The following CHD5 variants were observed in gnomAD, a reference collection of about 807,000 sequenced individuals.
The protein encoded by CHD5 is chromodomain helicase DNA binding protein 5, also known as ATP-dependent chromatin remodeler CHD5.
In CHD5, 69 loss-of-function variants were observed where a neutral mutation model predicts 230.3. The observed-to-expected ratio is 0.30, with a 90% CI of 0.25 to 0.37. The LOEUF (loss-of-function observed/expected upper bound fraction) is 0.37, where lower values mean the gene tolerates loss of function less well. Among genes scored for constraint, CHD5 ranks in the 10% least tolerant of loss-of-function variants. The probability of loss-of-function intolerance (pLI) is 1.00; values close to 1 mark genes in which losing one functional copy is unlikely to be tolerated. For missense variants in CHD5, 1,827 were observed against 2,622.8 expected, an observed-to-expected ratio of 0.70 and a Z score of 6.63; for synonymous variants, 1,064 against 1,065.9, an observed-to-expected ratio of 1.00 and a Z score of 0.03.
chr1:6,179,978 CG>C lies in CHD5; in HGVS notation c.45del (p.Phe15LeufsTer31). 1 of 1,382,966 alleles carries C rather than the reference CG, an allele frequency of 7.2e-7. No individual in the cohort carries two copies. Among genetic ancestry groups the C allele is most frequent in the East Asian group, 3.7e-5 (1 of 27,360 alleles). 85.7% of individuals were successfully genotyped at this position (1,382,966 alleles called of 1,614,324 possible). A position where few individuals can be genotyped will look rare whatever the true frequency, so the allele number is the denominator to read the frequency against. ...TCGTCCTCATTCTCCATCTCCTCGG[CG>C]AACAGCCGCGGCAGCTCCTCCTCGG... ...VGTEEELPRL[F>X]AEEMENEDEM... is the part of the protein sequence containing the mutation. On this transcript the variant is annotated frameshift_variant, in exon 1 of 42. Coordinates refer to ENST00000262450, the MANE Select transcript of CHD5 (RefSeq NM_015557.3). LOFTEE classifies it high-confidence loss of function.
rs1406448077 is a variant in CHD5 at position 6,130,745 on chromosome 1, G to A, written c.3263-417C>T. Among the ~76,000 whole-genome samples the A allele has an allele frequency of 6.6e-6, 1 of 152,214 alleles. No individual in the cohort carries two copies. Among genetic ancestry groups the A allele is most frequent in the African/African-American group, 2.4e-5 (1 of 41,450 alleles). On this transcript the variant is annotated intron_variant, in intron 21 of 41. Transcript: ENST00000262450. The surrounding 1 kb of genome is among the most constrained non-coding windows in gnomAD (Gnocchi z 4.9). The stretch of plus-strand genomic sequence containing the variant: ...GGGCAGCCCGGGAAAACTCAGGGGC[G>A]CAGCTCCGGGACCTGGGGTCCCACC...
rs1351182290 is a variant in CHD5 at position 6,155,393 on chromosome 1, G to C, written c.506+206C>G. 1.3e-5 allele frequency among the ~76,000 whole-genome samples: 2 copies of C among 152,074 alleles called. No homozygotes were observed. Among genetic ancestry groups the C allele is most frequent in the East Asian group, 3.9e-4 (2 of 5,112 alleles). ...CAAGGGGAAGAGACTCAAGGGCTGA[G>C]GGGCAGGGCCCACAAGGGAAGGCCT... On this transcript the variant is annotated intron_variant, in intron 4 of 41. Transcript: ENST00000262450. The surrounding 1 kb of genome is among the most constrained non-coding windows in gnomAD (Gnocchi z 4.0).
Position 6,155,159 on chromosome 1 carries a change from TTCCTGTCCACACCCACAGCCCAC to T in CHD5, c.507-284_507-262del. ...ACAGCCCACCCCCAAAACACCCAGC[TTCCTGTCCACACCCACAGCCCAC>T]CCCCAAAACACCCCAGCTTCCTGTC... On this transcript the variant is annotated intron_variant, in intron 4 of 41. Transcript: ENST00000262450. This position sits in a 1 kb window ranked among gnomAD's most constrained non-coding sequence, Gnocchi z 4.0. Among the ~76,000 whole-genome samples, 1 of 104,110 alleles carries T rather than the reference TTCCTGTCCACACCCACAGCCCAC, an allele frequency of 9.6e-6. No individual in the cohort carries two copies. The highest frequency in any genetic ancestry group is 3.8e-5 in the African/African-American group (1 of 26,128). 68.3% of individuals were successfully genotyped at this position (104,110 alleles called of 152,430 possible).
chr1:6,144,196 G>A, intron 11 of CHD5, 41 bp from the exon 12 acceptor site: 1 of 1,611,982 alleles, frequency 6.2e-7, no homozygotes, highest in East Asian at 2.2e-5. Flanking sequence ...CAGAGCAGTG[G>A]CCACAGCACA....
At chr1:6,133,025 G>A (rs115347538) in intron 20 of CHD5, among the ~76,000 whole-genome samples, 2,359 of 152,112 alleles carry the variant, frequency 0.016, 71 homozygotes, top group African/African-American at 0.053. Flanking sequence ...CTCCCAAGTC[G>A]CTGAGATTAC....
rs375192487 is a variant in CHD5, at chr1:6,126,762, C to A, written c.3904-16G>T. On this transcript the variant is annotated splice_polypyrimidine_tract_variant and intron_variant, in intron 25 of 41. Transcript: ENST00000262450. The surrounding 1 kb of genome is among the most constrained non-coding windows in gnomAD (Gnocchi z 5.7). The stretch of plus-strand genomic sequence containing the variant: ...CCACCTCCTCCTGGGGACGCAGCAC[C>A]ACGGGTTCCATGGGTGGAGCCATCT... The A allele has an allele frequency of 1.2e-6, 2 of 1,609,512 alleles. No homozygotes were observed. The highest frequency in any genetic ancestry group is 1.7e-5 in the Admixed American group (1 of 59,850).
intron 8 of CHD5, 34 bp from the exon 9 acceptor site, chr1:6,149,109 CG>C: frequency 6.8e-7 from 1 of 1,473,456 alleles, no homozygotes; most frequent in Non-Finnish European, 9.0e-7. Context: ...GCACCCTGGG[CG>C]GGGTCCCCGC....
chr1:6,152,458 T>A lies in CHD5; in HGVS notation c.824A>T (p.Lys275Met). 1 of 1,614,192 alleles carries A rather than the reference T, an allele frequency of 6.2e-7. No individual in the cohort carries two copies. Among genetic ancestry groups the A allele is most frequent in the Non-Finnish European group, 8.5e-7 (1 of 1,180,030 alleles). ...KGKGKKTAGL[K>M]FRFGGISNKR... is the part of the protein sequence containing the mutation. ...GTTGCTGATCCCCCCGAAGCGGAAC[T>A]TGAGCCCGGCCGTCTTTTTCCCTTT... The change falls in exon 6 of 42, where the codon AAG becomes ATG. Residue 275 changes from lysine to methionine, a missense_variant. By Grantham distance (95) the Lys-to-Met change is moderately conservative. Around this residue, in one of 14 missense-constraint regions of CHD5, gnomAD observed 657 missense variants for 816.4 expected, o/e 0.80. Transcript: ENST00000262450.
chr1:6,173,384 A>G (rs1021802499), intron 1 of CHD5, among the ~76,000 whole-genome samples: 3 of 152,054 alleles, frequency 2.0e-5, no homozygotes, highest in South Asian at 2.1e-4. Context: ...GATTACAGGC[A>G]TGAGCCACCG....
In CHD5 at chr1:6,103,101, A is replaced by T. The variant is rs1213327137; in HGVS notation, c.*2373T>A. The stretch of plus-strand genomic sequence containing the variant: ...GGACACCACCATCACCACTTTTGGC[A>T]GAGATGACTGACAAACCAAGAAGGA... On this transcript the variant is annotated 3_prime_UTR_variant, in exon 42 of 42. Coordinates refer to ENST00000262450, the MANE Select transcript of CHD5 (RefSeq NM_015557.3). 1 of 152,510 alleles carries T rather than the reference A, an allele frequency of 6.6e-6. No individual in the cohort carries two copies. The highest frequency in any genetic ancestry group is 1.5e-5 in the Non-Finnish European group (1 of 68,088). The allele number at this position is 152,510 out of a possible 1,614,324, so 9.4% of individuals were successfully genotyped here. A position where few individuals can be genotyped will look rare whatever the true frequency, so the allele number is the denominator to read the frequency against.
intron 1 of CHD5, among the ~76,000 whole-genome samples, chr1:6,172,816 C>A (rs570697339): frequency 2.6e-5 from 4 of 152,300 alleles, no homozygotes; most frequent in South Asian, 4.1e-4. Flanking sequence ...ACAGCTCTGC[C>A]AGACCCAGGC....
chr1:6,161,143 GAAAGGGTGGCAGAAGGAA>G (rs923810592), intron 2 of CHD5, among the ~76,000 whole-genome samples: 1 of 150,534 alleles, frequency 6.6e-6, no homozygotes, highest in African/African-American at 2.5e-5. Context: ...AGAAGGAAAG[GAAAGGGTGGCAGAAGGAA>G]AGAGAATGAG....
intron 17 of CHD5, 75 bp downstream of exon 17, chr1:6,136,442 A>G: frequency 6.5e-7 from 1 of 1,546,162 alleles, no homozygotes; most frequent in Non-Finnish European, 8.8e-7. Context: ...CACAGCCAGG[A>G]TGGGCTATTG....
chr1:6,159,595 G>T, intron 2 of CHD5, 80 bp from the exon 3 acceptor site: 1 of 1,209,856 alleles, frequency 8.3e-7, no homozygotes, highest in Non-Finnish European at 1.2e-6. Flanking sequence ...GGCCCTGAGA[G>T]CTACCTCCTG....
chr1:6,119,798 T>C lies in CHD5; in HGVS notation c.4912+1307A>G, dbSNP rs868523270. Reference sequence around the variant, plus strand: ...ACATATGTGCGTATATACGTACGTATGTACGTACATATATACGTATATATA... The same window carrying C: ...ACATATGTGCGTATATACGTACGTACGTACGTACATATATACGTATATATA... On this transcript the variant is annotated intron_variant, in intron 33 of 41. Transcript: ENST00000262450. Among the ~76,000 whole-genome samples, 8 of 150,000 alleles carry C rather than the reference T, an allele frequency of 5.3e-5. No homozygotes were observed. The East Asian group carries it at 6.0e-4, about 11-fold the overall frequency.
Position 6,134,433 on chromosome 1 carries a change from C to T in CHD5, c.3013-174G>A, listed in dbSNP as rs1291432208. ...CCAGGCCCCACAGTGCGGGGTAGAC[C>T]GTGGGTCCCACGGCCCTGGCTCCAG... On this transcript the variant is annotated intron_variant, in intron 19 of 41. Coordinates refer to ENST00000262450, the MANE Select transcript of CHD5 (RefSeq NM_015557.3). This position sits in a 1 kb window ranked among gnomAD's most constrained non-coding sequence, Gnocchi z 6.3. Among the ~76,000 whole-genome samples, 2 of 152,178 alleles carry T rather than the reference C, an allele frequency of 1.3e-5. No homozygotes were observed. The highest frequency in any genetic ancestry group is 2.9e-5 in the Non-Finnish European group (2 of 68,020).
intron 13 of CHD5, among the ~76,000 whole-genome samples, chr1:6,143,432 A>C (rs539976018): frequency 6.6e-6 from 1 of 152,228 alleles, no homozygotes; most frequent in South Asian, 2.1e-4. Context: ...GGCGCCTGAT[A>C]GTCCCAGGCC....
chr1:6,171,622 G>T (rs1347049609), intron 1 of CHD5, among the ~76,000 whole-genome samples: 1 of 152,180 alleles, frequency 6.6e-6, no homozygotes, highest in Non-Finnish European at 1.5e-5. Context: ...AGATCTGGGG[G>T]TCACCATACA....
In CHD5 at chr1:6,131,762, G is replaced by C; in HGVS notation, c.3145-14C>G. Reference sequence around the variant, plus strand: ...CATCTTGGTCATCTGCAGGGGAGACGGGCACGTGAGGAACTGCCAAGGAGC... The same window carrying C: ...CATCTTGGTCATCTGCAGGGGAGACCGGCACGTGAGGAACTGCCAAGGAGC... On this transcript the variant is annotated splice_polypyrimidine_tract_variant and intron_variant, in intron 20 of 41. Transcript: ENST00000262450. This position sits in a 1 kb window ranked among gnomAD's most constrained non-coding sequence, Gnocchi z 5.0. 6.4e-7 allele frequency: 1 copy of C among 1,559,502 alleles called. No homozygotes were observed. Among genetic ancestry groups the C allele is most frequent in the South Asian group, 1.1e-5 (1 of 89,578 alleles).
Sources: allele counts gnomAD v4.1 joint callset (sites outside exome capture counted in the v4.1 genomes callset), GRCh38; gene constraint gnomAD v4.1.1; regional missense constraint gnomAD v4.1.1; non-coding constraint Gnocchi (gnomAD v3.1); transcripts MANE v1.5; gene names NCBI Gene and HGNC (gene_info 2026-07-23, HGNC 2026-07-21).